Variants in ZFHX3 observed in about 807,000 individuals in gnomAD.
ZFHX3 encodes zinc finger homeobox protein 3.
In ZFHX3, 42 loss-of-function variants were observed where a neutral mutation model predicts 279.1. That is an observed-to-expected ratio of 0.15 (90% CI 0.12 to 0.19). The LOEUF (loss-of-function observed/expected upper bound fraction) is 0.19. ZFHX3 is among the 10% of genes least tolerant of loss of function. ZFHX3 has a pLI of 1.00. For synonymous variants in ZFHX3, 2,293 were observed against 1,957.8 expected (o/e 1.17, Z -4.52); for missense variants, 4,981 against 4,754.0 (o/e 1.05, Z -1.40).
intron 3 of ZFHX3, among the ~76,000 whole-genome samples, chr16:73,426,850 C>T (rs957873387): frequency 5.9e-5 from 9 of 152,214 alleles, no homozygotes; most frequent in Admixed American, 4.6e-4. Flanking sequence ...AGCAAAATCT[C>T]AGTGCAATCC....
At chr16:72,887,305 A>T (rs2038650577) in intron 4 of ZFHX3, among the ~76,000 whole-genome samples, 1 of 152,202 alleles carries the variant, frequency 6.6e-6, no homozygotes, top group Non-Finnish European at 1.5e-5. Flanking sequence ...TACTTCTGGC[A>T]GAGTAAGGTT....
intron 1 of ZFHX3, among the ~76,000 whole-genome samples, chr16:73,694,580 G>C (rs2053178333): frequency 1.3e-5 from 2 of 152,090 alleles, no homozygotes; most frequent in African/African-American, 4.8e-5. Context: ...CCGACCTCGT[G>C]ATCCATCCGC....
chr16:73,770,739 C>T (rs559242839), intron 1 of ZFHX3, among the ~76,000 whole-genome samples: 1 of 152,266 alleles, frequency 6.6e-6, no homozygotes, highest in South Asian at 2.1e-4. Context: ...TCTTCTGCAC[C>T]CCTCAAAGTA....
chr16:73,256,586 G>GGCCT (rs2013667659), intron 5 of ZFHX3, among the ~76,000 whole-genome samples: 1 of 152,176 alleles, frequency 6.6e-6, no homozygotes, highest in Non-Finnish European at 1.5e-5. Context: ...GGGAGCAGAT[G>GGCCT]GCCTGTCCAC....
At chr16:73,356,588 C>G (rs2016344869) in intron 3 of ZFHX3, among the ~76,000 whole-genome samples, 1 of 152,026 alleles carries the variant, frequency 6.6e-6, no homozygotes, top group Non-Finnish European at 1.5e-5. Flanking sequence ...AGCTCCGACA[C>G]TTACAAGCTG....
chr16:73,424,414 C>T (rs367749270), intron 3 of ZFHX3, among the ~76,000 whole-genome samples: 6 of 152,292 alleles, frequency 3.9e-5, no homozygotes, highest in South Asian at 2.1e-4. Context: ...GTAGCTTGAA[C>T]ATGGCTCACC....
At chr16:73,323,559 G>C (rs1272900256) in intron 3 of ZFHX3, among the ~76,000 whole-genome samples, 2 of 152,156 alleles carry the variant, frequency 1.3e-5, no homozygotes, top group Admixed American at 6.5e-5. Context: ...TAGAGAAGTT[G>C]GACCAAGATA....
At chr16:73,243,108 G>A (rs2013175135) in intron 5 of ZFHX3, among the ~76,000 whole-genome samples, 1 of 152,186 alleles carries the variant, frequency 6.6e-6, no homozygotes, top group South Asian at 2.1e-4. Context: ...AGCTACAGAA[G>A]CACCAAGATT....
chr16:73,833,714 TG>T, intron 1 of ZFHX3, among the ~76,000 whole-genome samples: 1 of 151,876 alleles, frequency 6.6e-6, no homozygotes, highest in South Asian at 2.1e-4. Context: ...GTAACAAACC[TG>T]CACATTCTGC....
intron 2 of ZFHX3, among the ~76,000 whole-genome samples, chr16:73,491,922 T>TC (rs1277368167): frequency 6.6e-6 from 1 of 152,160 alleles, no homozygotes; most frequent in Non-Finnish European, 1.5e-5. Context: ...GAAACTCTGG[T>TC]CTACCAGATG....
At chr16:73,548,478 T>TA (rs1567516049) in intron 2 of ZFHX3, among the ~76,000 whole-genome samples, 8 of 150,012 alleles carry the variant, frequency 5.3e-5, no homozygotes, top group Admixed American at 3.3e-4. Context: ...TTTTTTTTTT[T>TA]TAAAAAAAAG....
chr16:72,954,995 G>C lies in ZFHX3; in HGVS notation c.2719+2432C>G, dbSNP rs377139686. Among the ~76,000 whole-genome samples, 58 of 152,304 alleles carry C rather than the reference G, an allele frequency of 3.8e-4. 1 individual carries two copies. In the South Asian group the frequency reaches 7.5e-3, roughly 20 times the overall value. ...AATGGACCATGGGGAAAAAAAACCA[G>C]TACAGCCACAGCTAGAACTGAAAGT... On this transcript the variant is annotated intron_variant, in intron 2 of 9. Coordinates refer to ENST00000268489, the MANE Select transcript of ZFHX3 (RefSeq NM_006885.4).
chr16:72,829,613 C>A, intron 5 of ZFHX3, 166 bp downstream of exon 5: 2 of 668,018 alleles, frequency 3.0e-6, no homozygotes, highest in South Asian at 2.0e-5. Flanking sequence ...AAGGTGACTG[C>A]TCAAAGAAGC....
chr16:73,649,761 G>C (rs2052653481), intron 2 of ZFHX3, among the ~76,000 whole-genome samples: 1 of 152,164 alleles, frequency 6.6e-6, no homozygotes, highest in Non-Finnish European at 1.5e-5. Flanking sequence ...GAGGCAGATA[G>C]CTGGGCAAGC....
intron 2 of ZFHX3, among the ~76,000 whole-genome samples, chr16:73,478,251 C>A (rs2018797936): frequency 7.7e-6 from 1 of 129,116 alleles, no homozygotes; most frequent in Admixed American, 9.7e-5. Context: ...GGTGACAGAG[C>A]GAGACTCCAT....
intron 5 of ZFHX3, among the ~76,000 whole-genome samples, chr16:73,196,942 A>C (rs1044092111): frequency 6.6e-6 from 1 of 152,156 alleles, no homozygotes; most frequent in South Asian, 2.1e-4. Context: ...GGACACTGGT[A>C]TTGACATGGT....
intron 2 of ZFHX3, among the ~76,000 whole-genome samples, chr16:73,523,737 G>A (rs1030625225): frequency 2.7e-5 from 4 of 149,872 alleles, no homozygotes; most frequent in African/African-American, 4.9e-5. Flanking sequence ...CCCTCCTTTT[G>A]TTTTGTCCTT....
At chr16:73,004,171 T>TTTC (rs1247559176) in intron 1 of ZFHX3, among the ~76,000 whole-genome samples, 1 of 137,804 alleles carries the variant, frequency 7.3e-6, no homozygotes, top group Non-Finnish European at 1.6e-5. Context: ...TTTTTTTTTT[T>TTTC]TTTTTTTTTT....
chr16:73,105,408 TACACACACACATATATATATATATAC>T (rs1281165865), intron 7 of ZFHX3, among the ~76,000 whole-genome samples: 23 of 82,778 alleles, frequency 2.8e-4, no homozygotes, highest in African/African-American at 8.0e-4. Context: ...TATATATATA[TACACACACACATATATATATATATAC>T]ACACACACAC....
Sources: allele counts gnomAD v4.1 joint callset (sites outside exome capture counted in the v4.1 genomes callset), GRCh38; gene constraint gnomAD v4.1.1; transcripts MANE v1.5; gene names NCBI Gene and HGNC (gene_info 2026-07-23, HGNC 2026-07-21).